Variants in IQGAP2 observed in about 807,000 individuals in gnomAD.
IQGAP2 encodes IQ motif containing GTPase activating protein 2.
In IQGAP2, 173 loss-of-function variants were observed where a neutral mutation model predicts 201.3. The observed-to-expected ratio is 0.86, with a 90% CI of 0.76 to 0.98. The LOEUF (loss-of-function observed/expected upper bound fraction) is 0.98, where lower values mean the gene tolerates loss of function less well. Ranked by LOEUF, IQGAP2 falls within the 50% of genes least tolerant of loss-of-function variation. IQGAP2 has a pLI of 0.00. For synonymous variants in IQGAP2, 675 were observed against 673.9 expected, an observed-to-expected ratio of 1.00 and a Z score of -0.03; for missense variants, 1,687 against 1,864.8, an observed-to-expected ratio of 0.90 and a Z score of 1.76.
chr5:76,589,172 C>T (rs1026667133), intron 6 of IQGAP2, among the ~76,000 whole-genome samples, 199 bp downstream of exon 6: 3 of 151,816 alleles, frequency 2.0e-5, no homozygotes, highest in Admixed American at 6.6e-5. Flanking sequence ...ATTAGCCGGG[C>T]GTGGTGGGGG....
intron 2 of IQGAP2, among the ~76,000 whole-genome samples, chr5:76,489,491 T>C (rs1756394944): frequency 6.6e-6 from 1 of 152,210 alleles, no homozygotes; most frequent in African/African-American, 2.4e-5. Context: ...AGATGGAGTC[T>C]CGCTCTGTCC....
In IQGAP2 at chr5:76,707,190, A is replaced by T; in HGVS notation, c.4615-10A>T. On this transcript the variant is annotated splice_polypyrimidine_tract_variant and intron_variant, in intron 35 of 35. Coordinates refer to ENST00000274364, the MANE Select transcript of IQGAP2 (RefSeq NM_006633.5). ...AAGTTGAGATTTAATGATGCTTTTT[A>T]CAATTTCAGGATTTACTTCAGATGC... The T allele has an allele frequency of 8.7e-7, 1 of 1,143,564 alleles. No homozygotes were observed. The highest frequency in any genetic ancestry group is 1.3e-6 in the Non-Finnish European group (1 of 761,892). The allele number at this position is 1,143,564 out of a possible 1,614,324, so 70.8% of individuals were successfully genotyped here. A position where few individuals can be genotyped will look rare whatever the true frequency, so the allele number is the denominator to read the frequency against.
At chr5:76,553,999 T>C (rs1197404955) in intron 2 of IQGAP2, among the ~76,000 whole-genome samples, 1 of 152,218 alleles carries the variant, frequency 6.6e-6, no homozygotes, top group African/African-American at 2.4e-5. Context: ...GTACTATCTG[T>C]ACATAAGTCA....
At chr5:76,571,267 G>A (rs1745098203) in intron 4 of IQGAP2, among the ~76,000 whole-genome samples, 1 of 152,144 alleles carries the variant, frequency 6.6e-6, no homozygotes, top group Admixed American at 6.5e-5. Flanking sequence ...CGCCTCCCAT[G>A]TTCAAGTGAT....
At chr5:76,460,256 G>C (rs545583246) in intron 1 of IQGAP2, among the ~76,000 whole-genome samples, 1 of 152,186 alleles carries the variant, frequency 6.6e-6, no homozygotes, top group South Asian at 2.1e-4. Context: ...GATGTGAAAG[G>C]CACCACCTGC....
chr5:76,574,182 A>C (rs1745313081), intron 4 of IQGAP2, among the ~76,000 whole-genome samples: 1 of 152,224 alleles, frequency 6.6e-6, no homozygotes, highest in African/African-American at 2.4e-5. Flanking sequence ...CTTAAAGTAA[A>C]TAATGTCTAA....
intron 12 of IQGAP2, among the ~76,000 whole-genome samples, chr5:76,610,331 G>C (rs972790691): frequency 6.6e-6 from 1 of 150,492 alleles, no homozygotes; most frequent in Admixed American, 6.7e-5. Context: ...CACATGAAAA[G>C]ATGCTCAAAA....
chr5:76,631,397 T>G (rs428121), intron 14 of IQGAP2, among the ~76,000 whole-genome samples: 86,883 of 151,944 alleles, frequency 0.57, 24,918 homozygotes, highest in South Asian at 0.63. Flanking sequence ...TAGGTTGTTT[T>G]TGACAATCTT....
intron 30 of IQGAP2, among the ~76,000 whole-genome samples, chr5:76,684,635 G>T (rs1745578928): frequency 6.6e-6 from 1 of 152,210 alleles, no homozygotes; most frequent in Non-Finnish European, 1.5e-5. Context: ...CATTAGAACA[G>T]TTATGTATTG....
rs1000941161 is a variant in IQGAP2, at chr5:76,503,582, T to A, written c.146+41913T>A. Among the ~76,000 whole-genome samples the A allele has an allele frequency of 5.9e-5, 9 of 151,562 alleles. No individual in the cohort carries two copies. In the East Asian group the frequency reaches 1.7e-3, roughly 29 times the overall value. ...TTAGAAAAGAACTCTCAGGTTACTT[T>A]TTTTTTAAAAATTTTATTTATTTTT... On this transcript the variant is annotated intron_variant, in intron 2 of 35. Transcript: ENST00000274364.
chr5:76,670,602 AC>A (rs1211849782), intron 23 of IQGAP2, among the ~76,000 whole-genome samples: 1 of 152,184 alleles, frequency 6.6e-6, no homozygotes, highest in Non-Finnish European at 1.5e-5. Flanking sequence ...TAAGATAAGA[AC>A]CAGGCATTGT....
Position 76,569,679 on chromosome 5 carries a change from G to A in IQGAP2, c.304-901G>A, listed in dbSNP as rs114876818. ...GTGGGGAGAGCCAAACTTTCTGAAT[G>A]TGATTATCTACTACTGAATGTTAGT... On this transcript the variant is annotated intron_variant, in intron 3 of 35. Coordinates refer to ENST00000274364, the MANE Select transcript of IQGAP2 (RefSeq NM_006633.5). Among the ~76,000 whole-genome samples the A allele has an allele frequency of 2.5e-3, 384 of 152,306 alleles. 3 individuals are homozygous for A. Among genetic ancestry groups the A allele is most frequent in the African/African-American group, 9.0e-3 (374 of 41,558 alleles).
intron 1 of IQGAP2, among the ~76,000 whole-genome samples, chr5:76,421,565 C>G (rs1751729939): frequency 6.6e-6 from 1 of 151,994 alleles, no homozygotes; most frequent in Admixed American, 6.6e-5. Flanking sequence ...TGCAGTGAGC[C>G]ATGATAGTGT....
chr5:76,601,124 T>A, intron 11 of IQGAP2, 152 bp downstream of exon 11: 1 of 667,422 alleles, frequency 1.5e-6, no homozygotes, highest in Non-Finnish European at 2.5e-6. Context: ...CTAATTAGTA[T>A]CCTTGTTTAC....
intron 21 of IQGAP2, among the ~76,000 whole-genome samples, chr5:76,664,553 C>T (rs1251441849): frequency 6.6e-6 from 1 of 152,098 alleles, no homozygotes; most frequent in African/African-American, 2.4e-5. Context: ...TGTGGAGGCG[C>T]GTGCCTGTAG....
chr5:76,441,433 G>T, intron 1 of IQGAP2: 1 of 900,044 alleles, frequency 1.1e-6, no homozygotes, highest in Non-Finnish European at 1.3e-6. Flanking sequence ...CTTTTGAAGA[G>T]GTTGTGTCTA....
chr5:76,509,768 A>C (rs1028786292), intron 2 of IQGAP2, among the ~76,000 whole-genome samples: 1 of 152,124 alleles, frequency 6.6e-6, no homozygotes, highest in African/African-American at 2.4e-5. Flanking sequence ...CATAGGACAG[A>C]ACATGAGAAA....
intron 1 of IQGAP2, among the ~76,000 whole-genome samples, chr5:76,451,527 T>C (rs1753746225): frequency 6.6e-6 from 1 of 152,228 alleles, no homozygotes; most frequent in Non-Finnish European, 1.5e-5. Context: ...TTAGTCATCT[T>C]CTGATCACTT....
chr5:76,472,017 C>T (rs28662810), intron 2 of IQGAP2, among the ~76,000 whole-genome samples: 35,848 of 152,142 alleles, frequency 0.24, 4,736 homozygotes, highest in East Asian at 0.5. Flanking sequence ...CTGCTTTCCA[C>T]GGGGAGCAAG....
Sources: allele counts gnomAD v4.1 joint callset (sites outside exome capture counted in the v4.1 genomes callset), GRCh38; gene constraint gnomAD v4.1.1; transcripts MANE v1.5; gene names NCBI Gene and HGNC (gene_info 2026-07-23, HGNC 2026-07-21).